AGL: variants seen among roughly 807,000 people sequenced by gnomAD.
AGL encodes glycogen debranching enzyme.
A neutral mutation model predicts 199.3 loss-of-function variants in AGL; 128 were observed. The observed-to-expected ratio is 0.64, with a 90% CI of 0.56 to 0.74. The LOEUF is 0.74. Ranked by LOEUF, AGL falls within the 30% of genes least tolerant of loss-of-function variation. AGL has a pLI of 0.00. For missense variants in AGL, 1,809 were observed against 1,820.8 expected (o/e 0.99, Z 0.12); for synonymous variants, 584 against 594.7 (o/e 0.98, Z 0.26).
At chr1:99,914,719 A>G (rs76719460) in intron 30 of AGL, among the ~76,000 whole-genome samples, 1,580 of 152,306 alleles carry the variant, frequency 0.01, 30 homozygotes, top group African/African-American at 0.037. Flanking sequence ...GAAGCAAACA[A>G]TGGGTATCAG....
chr1:99,856,818 TAG>T (rs976639244), intron 2 of AGL, among the ~76,000 whole-genome samples: 4 of 152,350 alleles, frequency 2.6e-5, no homozygotes, highest in Admixed American at 6.5e-5. Context: ...CAGAACAAAA[TAG>T]AGTCTCCCAT....
chr1:99,892,286 C>G, intron 23 of AGL, 146 bp from the exon 24 acceptor site: 1 of 769,702 alleles, frequency 1.3e-6, no homozygotes, highest in East Asian at 2.7e-5. Flanking sequence ...GTTTTGAAAT[C>G]TAACCAAAGT....
chr1:99,870,707 T>G, intron 6 of AGL, 51 bp from the exon 7 acceptor site: 1 of 1,425,684 alleles, frequency 7.0e-7, no homozygotes, highest in Non-Finnish European at 9.8e-7. Context: ...CTTAACTGAT[T>G]TTAAATAAGT....
chr1:99,860,386 T>C (rs1014345209), intron 2 of AGL, among the ~76,000 whole-genome samples: 7 of 152,108 alleles, frequency 4.6e-5, no homozygotes, highest in African/African-American at 1.7e-4. Flanking sequence ...TTATTGCCCA[T>C]TATTAATTGA....
chr1:99,913,873 C>G (rs543495599), intron 30 of AGL, 135 bp downstream of exon 30: 4 of 852,376 alleles, frequency 4.7e-6, no homozygotes, highest in Non-Finnish European at 5.8e-6. Flanking sequence ...TTTAAATAGT[C>G]TTTCCTAATT....
intron 25 of AGL, among the ~76,000 whole-genome samples, chr1:99,898,335 T>C (rs1653509774): frequency 6.6e-6 from 1 of 152,206 alleles, no homozygotes; most frequent in Admixed American, 6.5e-5. Context: ...CGTGAGCCAC[T>C]GCGCCCTACC....
In AGL at chr1:99,870,878, T is replaced by A; in HGVS notation, c.958+9T>A. Reference sequence around the variant, plus strand: ...AAGACTTCTTACACAAGGTAAAGGATACATACTAGAATGTTCCTATCGATT... The same window carrying A: ...AAGACTTCTTACACAAGGTAAAGGAAACATACTAGAATGTTCCTATCGATT... On this transcript the variant is annotated intron_variant, in intron 7 of 33. Coordinates refer to ENST00000361915, the MANE Select transcript of AGL (RefSeq NM_000642.3). 1 of 1,473,320 alleles carries A rather than the reference T, an allele frequency of 6.8e-7. No individual in the cohort carries two copies. The highest frequency in any genetic ancestry group is 9.5e-7 in the Non-Finnish European group (1 of 1,052,618). 91.3% of individuals were successfully genotyped at this position (1,473,320 alleles called of 1,614,324 possible).
intron 24 of AGL, 96 bp downstream of exon 24, chr1:99,892,703 C>CTACT: frequency 1.6e-6 from 2 of 1,228,062 alleles, no homozygotes; most frequent in Non-Finnish European, 2.3e-6. Flanking sequence ...GCTTGTAATG[C>CTACT]TACTCAAGAT....
At chr1:99,876,393 G>A in intron 10 of AGL, 65 bp from the exon 11 acceptor site, 1 of 1,249,518 alleles carries the variant, frequency 8.0e-7, no homozygotes, top group African/African-American at 1.5e-5. Context: ...TTTTAATATT[G>A]CAAATTTATA....
At chr1:99,895,717 G>T (rs573408627) in intron 24 of AGL, among the ~76,000 whole-genome samples, 6 of 152,318 alleles carry the variant, frequency 3.9e-5, no homozygotes, top group African/African-American at 1.4e-4. Flanking sequence ...GCTCCTGCCT[G>T]TAATCCTAGC....
Position 99,884,102 on chromosome 1 carries a change from G to GT in AGL, c.2309-13dup. The GT allele has an allele frequency of 6.2e-7, 1 of 1,602,394 alleles. No individual in the cohort carries two copies. On this transcript the variant is annotated splice_polypyrimidine_tract_variant and intron_variant, in intron 17 of 33. Coordinates refer to ENST00000361915, the MANE Select transcript of AGL (RefSeq NM_000642.3). ...ATTCCATATGAAATTTTGTTAAAAT[G>GT]TTTTTATGTATTCCTAGGCAAAATT...
rs1191144606 is a variant in AGL at position 99,921,916 on chromosome 1, T to C, written c.*265T>C. The stretch of plus-strand genomic sequence containing the variant: ...TTCAAATGCCTAGAAATCCATAGTT[T>C]GGAAAAGAAAAATCATGTCATCTTC... On this transcript the variant is annotated 3_prime_UTR_variant, in exon 34 of 34. Transcript: ENST00000361915. 1 of 271,840 alleles carries C rather than the reference T, an allele frequency of 3.7e-6. No homozygotes were observed. The highest frequency in any genetic ancestry group is 2.2e-5 in the African/African-American group (1 of 45,050). The allele number at this position is 271,840 out of a possible 1,614,324, so 16.8% of individuals were successfully genotyped here.
intron 2 of AGL, among the ~76,000 whole-genome samples, chr1:99,851,974 A>C (rs1293258067): frequency 6.6e-6 from 1 of 152,154 alleles, no homozygotes; most frequent in East Asian, 1.9e-4. Flanking sequence ...ATTTAAAATC[A>C]CTGAGTACCT....
chr1:99,861,810 G>A (rs2101085611), intron 3 of AGL, 97 bp downstream of exon 3: 1 of 1,394,406 alleles, frequency 7.2e-7, no homozygotes, highest in African/African-American at 1.4e-5. Context: ...CCATGGCAGT[G>A]CAATTTTTAT....
intron 33 of AGL, among the ~76,000 whole-genome samples, chr1:99,919,186 C>T (rs945328262): frequency 3.3e-5 from 5 of 152,224 alleles, no homozygotes; most frequent in African/African-American, 1.2e-4. Context: ...TGTTCCCCCT[C>T]TCTGTGCCAA....
chr1:99,851,263 C>G, intron 2 of AGL, 139 bp downstream of exon 2: 1 of 765,720 alleles, frequency 1.3e-6, no homozygotes, highest in East Asian at 2.7e-5. Flanking sequence ...AAAGATGGTG[C>G]TGTGTTCTCC....
chr1:99,875,375 G>C lies in AGL; in HGVS notation c.1203G>C (p.Leu401Phe). 1.2e-6 allele frequency: 2 copies of C among 1,614,074 alleles called. No homozygotes were observed. Among genetic ancestry groups the C allele is most frequent in the Non-Finnish European group, 1.7e-6 (2 of 1,180,004 alleles). The change falls in exon 10 of 34, where the codon TTG becomes TTC. Residue 401 changes from leucine (L) to phenylalanine (F), a missense_variant. Physicochemically the swap from Leu to Phe is conservative, Grantham distance 22 (BLOSUM62 0). Transcript: ENST00000361915. ...YHQEQAVNCL[L>F]GNVFYERLAG... is the part of the protein sequence containing the mutation. ...TTTTTCAGGCAGTTAATTGCCTTTT[G>C]GGAAATGTGTTTTATGAACGACTGG...
rs1203564392 is a variant in AGL at position 99,870,587 on chromosome 1, T to C, written c.846+6T>C. On this transcript the variant is annotated splice_donor_region_variant and intron_variant, in intron 6 of 33. Transcript: ENST00000361915. The stretch of plus-strand genomic sequence containing the variant: ...AAAATGATCACCATATGAATGTCAG[T>C]ATGTACAGAGGAGTATCACACTAAA... 7.4e-6 allele frequency: 12 copies of C among 1,613,952 alleles called. No individual in the cohort carries two copies. The highest frequency in any genetic ancestry group is 1.0e-5 in the Non-Finnish European group (12 of 1,179,886).
intron 2 of AGL, among the ~76,000 whole-genome samples, chr1:99,857,973 A>G (rs1044274359): frequency 3.9e-5 from 6 of 152,230 alleles, no homozygotes; most frequent in African/African-American, 1.4e-4. Context: ...TATGTCAGAT[A>G]AGTTACAAAC....
Sources: gnomAD v4.1 joint callset for allele counts (sites outside exome capture counted in the v4.1 genomes callset) on GRCh38, gnomAD v4.1.1 for gene constraint, MANE v1.5 for transcripts, NCBI Gene and HGNC (gene_info 2026-07-23, HGNC 2026-07-21) for gene names.